MCRS1: variants seen among roughly 807,000 people sequenced by gnomAD.
The protein encoded by MCRS1 is microspherule protein 1.
In MCRS1, 22 loss-of-function variants were observed where a neutral mutation model predicts 62.9. That is an observed-to-expected ratio of 0.35 (90% CI 0.25 to 0.50). MCRS1 has a LOEUF of 0.50. Among genes scored for constraint, MCRS1 ranks in the 20% least tolerant of loss-of-function variants. The pLI is 0.98. For synonymous variants in MCRS1, 244 were observed against 233.5 expected (o/e 1.04, Z -0.41); for missense variants, 456 against 601.1 (o/e 0.76, Z 2.52).
intron 8 of MCRS1, among the ~76,000 whole-genome samples, chr12:49,562,778 G>A (rs1226708398): frequency 6.6e-6 from 1 of 152,192 alleles, no homozygotes; most frequent in Non-Finnish European, 1.5e-5. Context: ...TTTTGCCAAA[G>A]ATTCCAGGCA....
At chr12:49,564,367 C>A (rs886820919) in intron 6 of MCRS1, 114 bp downstream of exon 6, 11 of 822,008 alleles carry the variant, frequency 1.3e-5, no homozygotes, top group Non-Finnish European at 1.9e-5. Context: ...AAGGAGCCTC[C>A]AGGAGTCCTG....
chr12:49,558,852 A>G lies in MCRS1; in HGVS notation c.1293T>C (p.Ser431=), dbSNP rs185991752. ...CTCCTCCCCAGCTCACCTCCACCAC[A>G]GAGTTGTTGCTGAGGCGCCATTTGG... ...CGSKWRLSNN[S]VVEIASLRFV... The change falls in exon 14 of 15, where the codon TCT becomes TCC. Residue 431 remains serine (S), a synonymous_variant. Transcript: ENST00000343810. The G allele has an allele frequency of 5.6e-4, 902 of 1,613,092 alleles. 13 individuals carry two copies. In the South Asian group the frequency reaches 7.7e-3, roughly 14 times the overall value.
intron 8 of MCRS1, among the ~76,000 whole-genome samples, chr12:49,561,932 G>C (rs1161245502): frequency 2.0e-5 from 3 of 152,218 alleles, no homozygotes; most frequent in Non-Finnish European, 4.4e-5. Flanking sequence ...TTTTAAAATA[G>C]TGACAAAGGA....
In MCRS1 at chr12:49,566,684, G is replaced by A. The variant is rs201589913; in HGVS notation, c.10+38C>T. On this transcript the variant is annotated intron_variant, in intron 2 of 14. Transcript: ENST00000343810. ...AGAGTGGAATCAGCAGATGCTTGGC[G>A]CCCGAGCATTTGGGGAGCTGTCCCG... 64 of 1,613,482 alleles carry A rather than the reference G, an allele frequency of 4.0e-5. 1 individual carries two copies. Among genetic ancestry groups the A allele is most frequent in the African/African-American group, 5.3e-5 (4 of 75,010 alleles).
At chr12:49,563,886 G>GTATATT (rs1938908597) in intron 6 of MCRS1, among the ~76,000 whole-genome samples, 1 of 152,170 alleles carries the variant, frequency 6.6e-6, no homozygotes, top group Admixed American at 6.5e-5. Context: ...CCCTTTCCAA[G>GTATATT]CTGAGCCCAG....
intron 8 of MCRS1, among the ~76,000 whole-genome samples, 181 bp from the exon 9 acceptor site, chr12:49,560,551 T>C (rs532363927): frequency 1.7e-3 from 259 of 152,182 alleles, no homozygotes; most frequent in African/African-American, 6.0e-3. Flanking sequence ...TTAGGCTTAG[T>C]TGAGGGTAGA....
In MCRS1 at chr12:49,558,877, G is replaced by A. The variant is rs1460012970; in HGVS notation, c.1268C>T (p.Ser423Phe). ...AGAGTTGTTGCTGAGGCGCCATTTG[G>A]AGCCACAGAGCACCGGCCGTCCATC... ...YIDGRPVLCG[S>F]KWRLSNNSVV... Residue 423 changes from serine to phenylalanine, a missense_variant, in exon 14 of 15, where the codon TCC (serine) becomes TTC (phenylalanine). By Grantham distance (155) the Ser-to-Phe change is radical. Coordinates refer to ENST00000343810, the MANE Select transcript of MCRS1 (RefSeq NM_006337.5). 2 of 1,613,108 alleles carry A rather than the reference G, an allele frequency of 1.2e-6. No homozygotes were observed. The highest frequency in any genetic ancestry group is 2.2e-5 in the East Asian group (1 of 44,876).
At position 49,559,205 on chromosome 12, in the gene MCRS1, G is replaced by A. The variant is rs761218603; in HGVS notation, c.1174+9C>T. On this transcript the variant is annotated intron_variant, in intron 13 of 14. Transcript: ENST00000343810. This position sits in a 1 kb window ranked among gnomAD's most constrained non-coding sequence, Gnocchi z 5.2. ...ACTGCTTCCTGCTGGGGCAGGGGGTGGGGGATACCTTGTTTCCGGGATATC... is the reference window on the plus strand; with the variant it reads ...ACTGCTTCCTGCTGGGGCAGGGGGTAGGGGATACCTTGTTTCCGGGATATC... 6 of 1,612,486 alleles carry A rather than the reference G, an allele frequency of 3.7e-6. No individual in the cohort carries two copies. Among genetic ancestry groups the A allele is most frequent in the South Asian group, 1.1e-5 (1 of 91,018 alleles).
Position 49,559,418 on chromosome 12 carries a change from G to A in MCRS1, c.1086+35C>T, listed in dbSNP as rs752971057. On this transcript the variant is annotated intron_variant, in intron 12 of 14. Coordinates refer to ENST00000343810, the MANE Select transcript of MCRS1 (RefSeq NM_006337.5). The surrounding 1 kb of genome is among the most constrained non-coding windows in gnomAD (Gnocchi z 5.2). ...GCAGAGAAAGGCACTGACAGAGGAA[G>A]CAGCCTAAGAAGGGCGGGGATGGGC... The A allele has an allele frequency of 2.4e-5, 38 of 1,612,926 alleles. No individual in the cohort carries two copies. Among genetic ancestry groups the A allele is most frequent in the Non-Finnish European group, 3.1e-5 (36 of 1,179,142 alleles).
chr12:49,558,813 C>T, intron 14 of MCRS1, 30 bp downstream of exon 14: 2 of 1,613,342 alleles, frequency 1.2e-6, no homozygotes, highest in Non-Finnish European at 1.7e-6. Flanking sequence ...TAGGTCTCAT[C>T]CTGGCCTTCC....
chr12:49,564,951 C>T, intron 4 of MCRS1, 56 bp from the exon 5 acceptor site: 1 of 1,513,674 alleles, frequency 6.6e-7, no homozygotes, highest in East Asian at 2.3e-5. Context: ...TCAGCTGGCG[C>T]TTCATGACTA....
chr12:49,563,244 A>G, intron 7 of MCRS1, 105 bp from the exon 8 acceptor site: 1 of 1,501,004 alleles, frequency 6.7e-7, no homozygotes, highest in Non-Finnish European at 9.0e-7. Context: ...AGCTGGAAGA[A>G]GCAAGCTAGT....
chr12:49,561,047 CTG>C (rs1938739368), intron 8 of MCRS1, among the ~76,000 whole-genome samples: 1 of 152,212 alleles, frequency 6.6e-6, no homozygotes, highest in Non-Finnish European at 1.5e-5. Flanking sequence ...TCATGAAAGT[CTG>C]TTTTTTTTTC....
At chr12:49,567,827 C>T (rs1171217768) in intron 1 of MCRS1, 1 of 152,232 alleles carries the variant, frequency 6.6e-6, no homozygotes, top group Non-Finnish European at 1.5e-5. Flanking sequence ...GGGGTAAACT[C>T]GCAAGCCCAT....
At chr12:49,561,045 G>A (rs1393041867) in intron 8 of MCRS1, among the ~76,000 whole-genome samples, 1 of 152,134 alleles carries the variant, frequency 6.6e-6, no homozygotes, top group East Asian at 1.9e-4. Flanking sequence ...TTTCATGAAA[G>A]TCTGTTTTTT....
At position 49,566,439 on chromosome 12, in the gene MCRS1, T is replaced by A. The variant is rs755391292; in HGVS notation, c.11-224A>T. On this transcript the variant is annotated intron_variant, in intron 2 of 14. Transcript: ENST00000343810. ...GCAGTTCCCCCGGTGCCACGTGTCATGTCGTGCAGCACATGGTGCTCAGGT... is the reference window on the plus strand; with the variant it reads ...GCAGTTCCCCCGGTGCCACGTGTCAAGTCGTGCAGCACATGGTGCTCAGGT... The A allele has an allele frequency of 3.2e-6, 5 of 1,572,058 alleles. No homozygotes were observed. In the South Asian group the frequency reaches 5.8e-5, roughly 18 times the overall value.
intron 8 of MCRS1, among the ~76,000 whole-genome samples, chr12:49,561,291 G>T (rs1186206929): frequency 6.6e-6 from 1 of 152,210 alleles, no homozygotes; most frequent in Non-Finnish European, 1.5e-5. Flanking sequence ...ATAGCAGCTA[G>T]TGGCCATGCA....
chr12:49,563,324 G>A (rs922820503), intron 7 of MCRS1, 114 bp downstream of exon 7: 2 of 1,315,792 alleles, frequency 1.5e-6, no homozygotes, highest in African/African-American at 2.9e-5. Flanking sequence ...GTGCACACGT[G>A]TGCATGTGCA....
chr12:49,560,401 CA>C (rs757324479), intron 8 of MCRS1, 31 bp from the exon 9 acceptor site: 174 of 1,606,668 alleles, frequency 1.1e-4, no homozygotes, highest in Non-Finnish European at 1.4e-4. Context: ...GCGTGAGCAC[CA>C]AGGGTCTTGC....
Sources: allele counts gnomAD v4.1 joint callset (sites outside exome capture counted in the v4.1 genomes callset), GRCh38; gene constraint gnomAD v4.1.1; non-coding constraint Gnocchi (gnomAD v3.1); transcripts MANE v1.5; gene names NCBI Gene and HGNC (gene_info 2026-07-23, HGNC 2026-07-21).